The following CNTN5 variants were observed in gnomAD, a reference collection of about 807,000 sequenced individuals.
The protein encoded by CNTN5 is contactin-5.
A neutral mutation model predicts 129.1 loss-of-function variants in CNTN5; 77 were observed. The observed-to-expected ratio is 0.60, with a 90% CI of 0.50 to 0.72. The LOEUF is 0.72. Among genes scored for constraint, CNTN5 ranks in the 30% least tolerant of loss-of-function variants. The pLI is 0.00. For missense variants in CNTN5, 1,478 were observed against 1,328.8 expected (o/e 1.11, Z -1.75); for synonymous variants, 509 against 465.6 (o/e 1.09, Z -1.20).
intron 7 of CNTN5, among the ~76,000 whole-genome samples, chr11:99,922,520 A>G (rs967527303): frequency 6.6e-6 from 1 of 152,222 alleles, no homozygotes; most frequent in African/African-American, 2.4e-5. Context: ...GATACGTGCT[A>G]GAAATCTTAG....
In CNTN5 at chr11:99,514,451, C is replaced by T. The variant is rs1052223424; in HGVS notation, c.-70-41694C>T. Among the ~76,000 whole-genome samples, 42 of 152,016 alleles carry T rather than the reference C, an allele frequency of 2.8e-4. No homozygotes were observed. The Middle Eastern group carries it at 0.01, about 37-fold the overall frequency. On this transcript the variant is annotated intron_variant, in intron 2 of 24. Transcript: ENST00000524871. ...GTTATCAAACAGTGTTGCATGCTAC[C>T]GAGAAATCTTTCAAGAAAAGAAGAG...
intron 2 of CNTN5, among the ~76,000 whole-genome samples, chr11:99,544,815 G>T (rs540447929): frequency 6.6e-6 from 1 of 152,284 alleles, no homozygotes; most frequent in East Asian, 1.9e-4. Context: ...TTCCTTACTA[G>T]TTCCTATCTA....
chr11:99,840,526 A>T (rs965709601), intron 4 of CNTN5, among the ~76,000 whole-genome samples: 20 of 152,108 alleles, frequency 1.3e-4, no homozygotes, highest in Admixed American at 1.3e-3. Flanking sequence ...CTAAGAAAAA[A>T]AAAAGCCTCT....
chr11:99,059,113 T>C (rs1864764424), intron 1 of CNTN5, among the ~76,000 whole-genome samples: 1 of 150,712 alleles, frequency 6.6e-6, no homozygotes, highest in Admixed American at 6.7e-5. Flanking sequence ...ATCTTGTCTT[T>C]TTCTTTTTTT....
chr11:99,894,922 A>G (rs889373886), intron 6 of CNTN5, among the ~76,000 whole-genome samples: 2 of 152,212 alleles, frequency 1.3e-5, no homozygotes, highest in Non-Finnish European at 1.5e-5. Flanking sequence ...TACCATCACC[A>G]TCAGTGCTAC....
chr11:99,807,633 G>T (rs923180168), intron 3 of CNTN5, among the ~76,000 whole-genome samples: 7 of 151,988 alleles, frequency 4.6e-5, no homozygotes, highest in Non-Finnish European at 1.0e-4. Context: ...TCCTGTCTCA[G>T]CCTCCTAAAT....
At chr11:99,113,268 T>C (rs1396674347) in intron 1 of CNTN5, among the ~76,000 whole-genome samples, 1 of 152,058 alleles carries the variant, frequency 6.6e-6, no homozygotes, top group Non-Finnish European at 1.5e-5. Flanking sequence ...CACGCACTTA[T>C]CACCCCTTAA....
chr11:99,622,515 G>A (rs1210666168), intron 3 of CNTN5, among the ~76,000 whole-genome samples: 1 of 152,118 alleles, frequency 6.6e-6, no homozygotes, highest in Non-Finnish European at 1.5e-5. Context: ...TATAGAGACT[G>A]CATTTTAAAG....
At chr11:100,131,674 G>A (rs1179398592) in intron 13 of CNTN5, among the ~76,000 whole-genome samples, 1 of 151,966 alleles carries the variant, frequency 6.6e-6, no homozygotes, top group African/African-American at 2.4e-5. Flanking sequence ...AGGTAGGCGG[G>A]GAGAACAAAA....
At chr11:100,324,283 A>T (rs79982581) in intron 21 of CNTN5, among the ~76,000 whole-genome samples, 5,156 of 152,248 alleles carry the variant, frequency 0.034, 289 homozygotes, top group African/African-American at 0.12. Context: ...ATTTACAGAA[A>T]TAGCATTGAT....
intron 2 of CNTN5, among the ~76,000 whole-genome samples, chr11:99,539,264 G>T (rs1639138408): frequency 6.6e-6 from 1 of 151,992 alleles, no homozygotes; most frequent in Non-Finnish European, 1.5e-5. Context: ...GATTGTTTAT[G>T]ACATGATTTT....
At chr11:99,764,477 G>A (rs554410309) in intron 3 of CNTN5, among the ~76,000 whole-genome samples, 8 of 152,112 alleles carry the variant, frequency 5.3e-5, no homozygotes, top group East Asian at 1.9e-4. Flanking sequence ...GTACAATGGC[G>A]TGATCTTGGC....
intron 1 of CNTN5, among the ~76,000 whole-genome samples, chr11:99,113,871 A>G (rs911172093): frequency 2.6e-5 from 4 of 152,170 alleles, no homozygotes; most frequent in African/African-American, 9.7e-5. Flanking sequence ...TTTCTCTAAA[A>G]CTAAGTATCC....
At chr11:100,237,182 C>G (rs1303697177) in intron 16 of CNTN5, among the ~76,000 whole-genome samples, 1 of 140,638 alleles carries the variant, frequency 7.1e-6, no homozygotes, top group Non-Finnish European at 1.5e-5. Context: ...GAGCAAGACT[C>G]CGTCTCAAAA....
intron 2 of CNTN5, among the ~76,000 whole-genome samples, chr11:99,386,775 A>G (rs1213828086): frequency 6.6e-6 from 1 of 152,166 alleles, no homozygotes; most frequent in Non-Finnish European, 1.5e-5. Context: ...AAAAGGAAAA[A>G]TAATTGAACA....
chr11:99,209,148 A>G (rs1045077550), intron 1 of CNTN5, among the ~76,000 whole-genome samples: 1 of 151,198 alleles, frequency 6.6e-6, no homozygotes. Context: ...AAAACTTTCC[A>G]TCTAGGATTT....
chr11:99,804,920 C>T (rs962861844), intron 3 of CNTN5, among the ~76,000 whole-genome samples: 1 of 151,310 alleles, frequency 6.6e-6, no homozygotes, highest in African/African-American at 2.4e-5. Context: ...ATATTCAGTG[C>T]TTCATGATGG....
At chr11:100,143,401 A>G (rs1344739400) in intron 13 of CNTN5, among the ~76,000 whole-genome samples, 2 of 152,164 alleles carry the variant, frequency 1.3e-5, no homozygotes, top group Non-Finnish European at 2.9e-5. Flanking sequence ...CCTACTAGTC[A>G]ACTCTAGCCA....
At chr11:99,084,538 TTA>T (rs1315777371) in intron 1 of CNTN5, among the ~76,000 whole-genome samples, 3 of 151,984 alleles carry the variant, frequency 2.0e-5, no homozygotes, top group East Asian at 4.1e-4. Context: ...ACTTTACATG[TTA>T]TGTTTTCAGA....
Sources: allele counts gnomAD v4.1 joint callset (sites outside exome capture counted in the v4.1 genomes callset), GRCh38; gene constraint gnomAD v4.1.1; transcripts MANE v1.5; gene names NCBI Gene and HGNC (gene_info 2026-07-23, HGNC 2026-07-21).